Variants in SPATA21 observed in about 807,000 individuals in gnomAD.
SPATA21 encodes the protein spermatogenesis-associated protein 21.
Under a neutral mutation model 54.8 loss-of-function variants are expected in SPATA21, and 47 were observed. That is an observed-to-expected ratio of 0.86 (90% CI 0.68 to 1.09). SPATA21 has a LOEUF of 1.09. Among genes scored for constraint, SPATA21 ranks in the 50% least tolerant of loss-of-function variants. SPATA21 has a pLI of 0.00. For missense variants in SPATA21, 599 were observed against 596.4 expected, an observed-to-expected ratio of 1.00 and a Z score of -0.05; for synonymous variants, 245 against 235.3, an observed-to-expected ratio of 1.04 and a Z score of -0.38.
Position 16,431,376 on chromosome 1 carries a change from C to G in SPATA21, c.-5G>C. On this transcript the variant is annotated 5_prime_UTR_variant, in exon 3 of 13. Transcript: ENST00000335496. ...CTGGGTGTTTCTATTGTCCATGATG[C>G]CAGCGCCAACACGGGTGCCAAGTGA... 1 of 1,613,982 alleles carries G rather than the reference C, an allele frequency of 6.2e-7. No homozygotes were observed.
Position 16,400,801 on chromosome 1 carries a change from T to C in SPATA21, c.1093A>G (p.Asn365Asp), listed in dbSNP as rs758433295. 4 of 1,611,330 alleles carry C rather than the reference T, an allele frequency of 2.5e-6. No individual in the cohort carries two copies. The Admixed American group carries it at 6.7e-5, about 27-fold the overall frequency. The stretch of plus-strand genomic sequence containing the variant: ...TCTGAGCTCTCTTCTTGCTGGGGGT[T>C]GTAGGGAAGCTTCTGCAACCGCAGC... Reference protein sequence around the residue: ...GRLRLQKLPYNPQQEESSEVP... With the variant: ...GRLRLQKLPYDPQQEESSEVP... The change falls in exon 11 of 13, where the codon AAC becomes GAC. Residue 365 changes from asparagine to aspartate, a missense_variant. Transcript: ENST00000335496.
At position 16,409,323 on chromosome 1, in the gene SPATA21, A is replaced by C; in HGVS notation, c.588-120T>G. Reference sequence around the variant, plus strand: ...GTGGGGGAGGCTTTGGGGAGCCCGGAGAGATCAAGAATGGCAGGAAAAAGG... The same window carrying C: ...GTGGGGGAGGCTTTGGGGAGCCCGGCGAGATCAAGAATGGCAGGAAAAAGG... On this transcript the variant is annotated intron_variant, in intron 6 of 12. Coordinates refer to ENST00000335496, the MANE Select transcript of SPATA21 (RefSeq NM_198546.1). This position sits in a 1 kb window ranked among gnomAD's most constrained non-coding sequence, Gnocchi z 4.1. 9.3e-7 allele frequency: 1 copy of C among 1,071,558 alleles called. No homozygotes were observed. The highest frequency in any genetic ancestry group is 1.4e-6 in the Non-Finnish European group (1 of 729,448). The allele number at this position is 1,071,558 out of a possible 1,614,324, so 66.4% of individuals were successfully genotyped here.
chr1:16,424,908 CTTATTTTTATT>C (rs895474572), intron 3 of SPATA21: 6 of 282,414 alleles, frequency 2.1e-5, no homozygotes, highest in Admixed American at 4.9e-5. Context: ...GGAAACAAGA[CTTATTTTTATT>C]TTATTTTTAT....
At position 16,427,822 on chromosome 1, in the gene SPATA21, G is replaced by T. The variant is rs552204868; in HGVS notation, c.34+3516C>A. On this transcript the variant is annotated intron_variant, in intron 3 of 12. Transcript: ENST00000335496. The stretch of plus-strand genomic sequence containing the variant: ...CTCCCCCGCGGGTGGGCTACAGGGG[G>T]TTCTCTCTTGGACCTGTTCTCTCGA... 15 of 1,516,944 alleles carry T rather than the reference G, an allele frequency of 9.9e-6. 1 individual carries two copies. In the East Asian group the frequency reaches 2.5e-4, roughly 25 times the overall value. 94.0% of individuals were successfully genotyped at this position (1,516,944 alleles called of 1,614,324 possible). A position where few individuals can be genotyped will look rare whatever the true frequency, so the allele number is the denominator to read the frequency against.
At position 16,426,989 on chromosome 1, in the gene SPATA21, A is replaced by G. The variant is rs558450896; in HGVS notation, c.34+4349T>C. Among the ~76,000 whole-genome samples, 10 of 152,298 alleles carry G rather than the reference A, an allele frequency of 6.6e-5. No homozygotes were observed. The South Asian group carries it at 1.7e-3, about 25-fold the overall frequency. ...ATGTTCATTAAATGTATAAAATTCC[A>G]TATTTTAAAGATAACCATCATTAAC... On this transcript the variant is annotated intron_variant, in intron 3 of 12. Coordinates refer to ENST00000335496, the MANE Select transcript of SPATA21 (RefSeq NM_198546.1).
intron 5 of SPATA21, among the ~76,000 whole-genome samples, chr1:16,410,492 C>A (rs531989660): frequency 3.9e-5 from 6 of 151,970 alleles, no homozygotes; most frequent in African/African-American, 1.2e-4. Flanking sequence ...CTCACAGCAA[C>A]CTCCACCTCC....
In SPATA21 at chr1:16,426,579, A is replaced by ATATATATATT. The variant is rs1401259793; in HGVS notation, c.35-4609_35-4608insAATATATATA. Among the ~76,000 whole-genome samples the ATATATATATT allele has an allele frequency of 7.6e-3, 811 of 107,106 alleles. 10 individuals are homozygous for ATATATATATT. The highest frequency in any genetic ancestry group is 0.021 in the East Asian group (62 of 2,934). 70.3% of individuals were successfully genotyped at this position (107,106 alleles called of 152,430 possible). A position where few individuals can be genotyped will look rare whatever the true frequency, so the allele number is the denominator to read the frequency against. On this transcript the variant is annotated intron_variant, in intron 3 of 12. Coordinates refer to ENST00000335496, the MANE Select transcript of SPATA21 (RefSeq NM_198546.1). ...CGGCTATATATATATATATATATAT[A>ATATATATATT]TTTTTTTTTTTTTTTTTTGAGACAG...
intron 3 of SPATA21, chr1:16,427,976 G>A: frequency 6.5e-7 from 1 of 1,550,084 alleles, no homozygotes; most frequent in Non-Finnish European, 8.7e-7. Flanking sequence ...GATGAGAGGT[G>A]CTTCTTGCTG....
chr1:16,415,089 C>T (rs1048976792), intron 5 of SPATA21, among the ~76,000 whole-genome samples: 1 of 152,072 alleles, frequency 6.6e-6, no homozygotes, highest in East Asian at 1.9e-4. Context: ...GTAATCCTAA[C>T]ACTTTCGGAT....
At chr1:16,403,483 C>CTTTTTCTTTTTT (rs2085517813) in intron 10 of SPATA21, among the ~76,000 whole-genome samples, 8 of 117,112 alleles carry the variant, frequency 6.8e-5, no homozygotes, top group African/African-American at 2.0e-4. Flanking sequence ...TAGTTTTTTT[C>CTTTTTCTTTTTT]TTTTTTTTCT....
At chr1:16,436,819 G>C (rs1391984087) in intron 1 of SPATA21, among the ~76,000 whole-genome samples, 2 of 150,988 alleles carry the variant, frequency 1.3e-5, no homozygotes, top group Non-Finnish European at 2.9e-5. Flanking sequence ...AAAAACCTTA[G>C]TCATGTAGCC....
chr1:16,425,829 G>A (rs549281070), intron 3 of SPATA21: 16 of 1,046,022 alleles, frequency 1.5e-5, no homozygotes, highest in African/African-American at 1.4e-4. Context: ...CATAGCTAAC[G>A]CCTGGAAGGA....
chr1:16,428,550 C>A lies in SPATA21; in HGVS notation c.34+2788G>T, dbSNP rs1292100013. Among the ~76,000 whole-genome samples, 2 of 151,830 alleles carry A rather than the reference C, an allele frequency of 1.3e-5. No individual in the cohort carries two copies. Among genetic ancestry groups the A allele is most frequent in the Non-Finnish European group, 2.9e-5 (2 of 68,034 alleles). On this transcript the variant is annotated intron_variant, in intron 3 of 12. Transcript: ENST00000335496. The surrounding 1 kb of genome is among the most constrained non-coding windows in gnomAD (Gnocchi z 4.3). ...GATTACAGGTGTGCGCCACCATGCC[C>A]AACTAATTTTTTTTTTTTATTTTTT...
At position 16,424,478 on chromosome 1, in the gene SPATA21, G is replaced by A. The variant is rs374115057; in HGVS notation, c.35-2507C>T. Among the ~76,000 whole-genome samples the A allele has an allele frequency of 1.6e-3, 242 of 151,608 alleles. 2 individuals are homozygous for A. The highest frequency in any genetic ancestry group is 4.0e-3 in the African/African-American group (165 of 41,288). The stretch of plus-strand genomic sequence containing the variant: ...TCTGTCACCCAGGCTGGAGCACAGT[G>A]GTGTGATCTTGGCTCACTGCAGCCT... On this transcript the variant is annotated intron_variant, in intron 3 of 12. Coordinates refer to ENST00000335496, the MANE Select transcript of SPATA21 (RefSeq NM_198546.1).
chr1:16,399,212 T>G, intron 12 of SPATA21, 132 bp downstream of exon 12: 2 of 1,078,834 alleles, frequency 1.9e-6, no homozygotes, highest in Non-Finnish European at 2.6e-6. Flanking sequence ...CTTTTACCCT[T>G]TCTCCTCCCT....
At chr1:16,425,014 G>A (rs2086283392) in intron 3 of SPATA21, 2 of 327,730 alleles carry the variant, frequency 6.1e-6, no homozygotes, top group South Asian at 4.5e-5. Flanking sequence ...CACCTCCCGT[G>A]TTCAAGCAAT....
At position 16,409,811 on chromosome 1, in the gene SPATA21, C is replaced by G; in HGVS notation, c.377G>C (p.Ser126Thr). 1 of 1,598,618 alleles carries G rather than the reference C, an allele frequency of 6.3e-7. No individual in the cohort carries two copies. Among genetic ancestry groups the G allele is most frequent in the South Asian group, 1.1e-5 (1 of 88,476 alleles). ...GACCGAGGCAGGGGTCTGAGGCAGG[C>G]TTGGAGCTGAGGTGGGCACCGGGGT... ...TLTPVPTSAP[S>T]LPQTPASVPA... The change falls in exon 6 of 13, where the codon AGC becomes ACC. Residue 126 changes from serine (S) to threonine (T), a missense_variant. Physicochemically the swap from Ser to Thr is moderately conservative, Grantham distance 58 (BLOSUM62 1). Transcript: ENST00000335496. The surrounding 1 kb of genome is among the most constrained non-coding windows in gnomAD (Gnocchi z 4.1).
intron 11 of SPATA21, 70 bp from the exon 12 acceptor site, chr1:16,399,591 A>C (rs1173141469): frequency 6.6e-7 from 1 of 1,525,292 alleles, no homozygotes; most frequent in Non-Finnish European, 8.8e-7. Context: ...GGCAGATTCA[A>C]GTGAAATCCT....
chr1:16,431,212 A>G (rs759129268), intron 3 of SPATA21, 126 bp downstream of exon 3: 19 of 1,578,188 alleles, frequency 1.2e-5, no homozygotes, highest in Non-Finnish European at 1.6e-5. Flanking sequence ...CTAGGAGTGA[A>G]TGGATCAGAA....
Sources: allele counts gnomAD v4.1 joint callset (sites outside exome capture counted in the v4.1 genomes callset), GRCh38; gene constraint gnomAD v4.1.1; non-coding constraint Gnocchi (gnomAD v3.1); transcripts MANE v1.5; gene names NCBI Gene and HGNC (gene_info 2026-07-23, HGNC 2026-07-21).